The following BTN2A2 variants were observed in gnomAD, a reference collection of about 807,000 sequenced individuals.
BTN2A2 encodes the protein butyrophilin 2.
BTN2A2 carries 29 observed loss-of-function variants against 34.7 expected under a neutral mutation model. The observed-to-expected ratio is 0.84, with a 90% confidence interval of 0.62 to 1.14. BTN2A2 has a LOEUF of 1.14. Ranked by LOEUF, BTN2A2 falls within the 50% of genes most tolerant of loss-of-function variation. The pLI is 0.00. For synonymous variants in BTN2A2, 240 were observed against 253.1 expected (o/e 0.95, Z 0.49); for missense variants, 612 against 651.5 (o/e 0.94, Z 0.66).
intron 3 of BTN2A2, 123 bp downstream of exon 3, chr6:26,385,485 A>T (rs761138493): frequency 6.2e-6 from 6 of 973,648 alleles, no homozygotes; most frequent in Non-Finnish European, 9.0e-6. Flanking sequence ...TTCCACAGAG[A>T]AAGTGGCTTC....
Position 26,390,395 on chromosome 6 carries a change from G to T in BTN2A2, c.931+184G>T, listed in dbSNP as rs532482901. ...GCTTGGAACTCTCATGTCATAAGAA[G>T]TAATCATTCAGAGCTTTCTTTCTTC... On this transcript the variant is annotated intron_variant, in intron 5 of 7. Coordinates refer to ENST00000356709, the MANE Select transcript of BTN2A2 (RefSeq NM_006995.5). 7.1e-6 allele frequency: 5 copies of T among 703,642 alleles called. 1 individual carries two copies. Among genetic ancestry groups the T allele is most frequent in the Non-Finnish European group, 1.2e-5 (5 of 429,412 alleles). 43.6% of individuals were successfully genotyped at this position (703,642 alleles called of 1,614,324 possible).
rs1206832177 is a variant in BTN2A2, at chr6:26,390,840, C to G, written c.979+11C>G. 1.2e-6 allele frequency: 2 copies of G among 1,613,874 alleles called. No homozygotes were observed. Among genetic ancestry groups the G allele is most frequent in the Non-Finnish European group, 1.7e-6 (2 of 1,180,034 alleles). On this transcript the variant is annotated intron_variant, in intron 7 of 7. Coordinates refer to ENST00000356709, the MANE Select transcript of BTN2A2 (RefSeq NM_006995.5). ...CATTCTTACATGCTGGTGAGTGCCTCTGATGTTCTCTCAGATCTCAGCTTT... is the reference window on the plus strand; with the variant it reads ...CATTCTTACATGCTGGTGAGTGCCTGTGATGTTCTCTCAGATCTCAGCTTT...
chr6:26,390,564 G>A, intron 5 of BTN2A2, 123 bp from the exon 6 acceptor site: 1 of 1,200,556 alleles, frequency 8.3e-7, no homozygotes, highest in Non-Finnish European at 1.2e-6. Flanking sequence ...TGTTCCTTAG[G>A]CATAAACGAA....
In BTN2A2 at chr6:26,390,061, GC is replaced by G. The variant is rs778543515; in HGVS notation, c.782del (p.Ala261AspfsTer8). 1 of 1,614,152 alleles carries G rather than the reference GC, an allele frequency of 6.2e-7. No individual in the cohort carries two copies. The highest frequency in any genetic ancestry group is 1.1e-5 in the South Asian group (1 of 91,088). On this transcript the variant is annotated frameshift_variant, in exon 5 of 8. Transcript: ENST00000356709. LOFTEE classifies it high-confidence loss of function. ...GGTGGCCCTAGCTGTCATCCTGACC[GC>G]ATCTCCCTGGATGGTGTCCATGACT... is the stretch of plus-strand genomic sequence containing the variant. ...WMVALAVILT[A>X]SPWMVSMTVI...
In BTN2A2 at chr6:26,393,147, C is replaced by T. The variant is rs563245152; in HGVS notation, c.*180C>T. The T allele has an allele frequency of 5.8e-4, 927 of 1,599,026 alleles. No homozygotes were observed. The highest frequency in any genetic ancestry group is 6.5e-4 in the Admixed American group (38 of 58,788). On this transcript the variant is annotated 3_prime_UTR_variant, in exon 8 of 8. Coordinates refer to ENST00000356709, the MANE Select transcript of BTN2A2 (RefSeq NM_006995.5). ...CCCCAGTTTTCTCCTCCTCACTAGT[C>T]TGTGGCTTTAGTAGTTCCTTTGCTT... is the stretch of plus-strand genomic sequence containing the variant.
chr6:26,391,332 G>A (rs758915095), intron 7 of BTN2A2: 39 of 168,156 alleles, frequency 2.3e-4, no homozygotes, highest in Non-Finnish European at 4.6e-4. Context: ...CTGATATTCT[G>A]CATGTAGTCT....
In BTN2A2 at chr6:26,385,356, G is replaced by A; in HGVS notation, c.436G>A (p.Val146Met). ...SYDEAILRLV[V>M]AGLGSKPLIE... ...CGATGAGGCCATCCTACGCCTCGTG[G>A]TGGCAGGTGCATCACTTCATTTTGC... is the stretch of plus-strand genomic sequence containing the variant. The change falls in exon 3 of 8, where the codon GTG (valine) becomes ATG (methionine). Residue 146 changes from valine (V) to methionine (M), a missense_variant. Coordinates refer to ENST00000356709, the MANE Select transcript of BTN2A2 (RefSeq NM_006995.5). 6.2e-7 allele frequency: 1 copy of A among 1,612,244 alleles called. No individual in the cohort carries two copies. The highest frequency in any genetic ancestry group is 8.5e-7 in the Non-Finnish European group (1 of 1,178,560).
Position 26,393,648 on chromosome 6 carries a change from G to A in BTN2A2, c.*681G>A. 5 of 997,122 alleles carry A rather than the reference G, an allele frequency of 5.0e-6. No individual in the cohort carries two copies. Among genetic ancestry groups the A allele is most frequent in the Non-Finnish European group, 6.0e-6 (5 of 837,200 alleles). 61.8% of individuals were successfully genotyped at this position (997,122 alleles called of 1,614,324 possible). On this transcript the variant is annotated 3_prime_UTR_variant, in exon 8 of 8. Coordinates refer to ENST00000356709, the MANE Select transcript of BTN2A2 (RefSeq NM_006995.5). The stretch of plus-strand genomic sequence containing the variant: ...TCAGATGTCCCTGCAATAAACAAGG[G>A]GTCAGTACTTAGTCCCTGAGTGTGG...
At chr6:26,389,679 G>A (rs889416750) in intron 4 of BTN2A2, among the ~76,000 whole-genome samples, 1 of 152,184 alleles carries the variant, frequency 6.6e-6, no homozygotes, top group Non-Finnish European at 1.5e-5. Context: ...CAAGAAGGAG[G>A]GCACTCTAGT....
chr6:26,386,028 C>A (rs578121289), intron 3 of BTN2A2, among the ~76,000 whole-genome samples: 2 of 152,214 alleles, frequency 1.3e-5, no homozygotes, highest in African/African-American at 4.8e-5. Flanking sequence ...ATAAGAACTG[C>A]CCAGAGAACT....
At chr6:26,389,582 G>A (rs1761438454) in intron 4 of BTN2A2, among the ~76,000 whole-genome samples, 1 of 152,202 alleles carries the variant, frequency 6.6e-6, no homozygotes, top group African/African-American at 2.4e-5. Context: ...GTGAGTGAGT[G>A]GGAAGCATTG....
In BTN2A2 at chr6:26,393,202, G is replaced by T; in HGVS notation, c.*235G>T. On this transcript the variant is annotated 3_prime_UTR_variant, in exon 8 of 8. Coordinates refer to ENST00000356709, the MANE Select transcript of BTN2A2 (RefSeq NM_006995.5). ...TTATGGGATGGGATCCAGGCATAGG[G>T]AACTAGTTGTTTCATAGCTCCCAGT... 1.3e-6 allele frequency: 2 copies of T among 1,525,104 alleles called. No individual in the cohort carries two copies. The highest frequency in any genetic ancestry group is 1.8e-6 in the Non-Finnish European group (2 of 1,140,246). The allele number at this position is 1,525,104 out of a possible 1,614,324, so 94.5% of individuals were successfully genotyped here. A position where few individuals can be genotyped will look rare whatever the true frequency, so the allele number is the denominator to read the frequency against.
Position 26,393,722 on chromosome 6 carries a change from C to T in BTN2A2, c.*755C>T, listed in dbSNP as rs1439064281. 9.1e-6 allele frequency: 9 copies of T among 987,630 alleles called. No homozygotes were observed. The highest frequency in any genetic ancestry group is 2.3e-4 in the East Asian group (2 of 8,866). 61.2% of individuals were successfully genotyped at this position (987,630 alleles called of 1,614,324 possible). The stretch of plus-strand genomic sequence containing the variant: ...GCAGGGCAGTACTGGACCAGGTCTA[C>T]GTCAGCATTCAGGTTCAATGGGGAC... On this transcript the variant is annotated 3_prime_UTR_variant, in exon 8 of 8. Transcript: ENST00000356709.
rs1179217176 is a variant in BTN2A2 at position 26,388,135 on chromosome 6, G to T, written c.565G>T (p.Val189Phe). ...AGTGTGGAGGGACCCCTACGGTGAGGTTGTGCCCGCCCTGAAGGAGGTTTC... is the reference window on the plus strand; with the variant it reads ...AGTGTGGAGGGACCCCTACGGTGAGTTTGTGCCCGCCCTGAAGGAGGTTTC... Reference protein sequence around the residue: ...LTVWRDPYGEVVPALKEVSIA... With the variant: ...LTVWRDPYGEFVPALKEVSIA... Residue 189 changes from valine (V) to phenylalanine (F), a missense_variant, in exon 4 of 8, where the codon GTT becomes TTT. Coordinates refer to ENST00000356709, the MANE Select transcript of BTN2A2 (RefSeq NM_006995.5). 1 of 1,614,204 alleles carries T rather than the reference G, an allele frequency of 6.2e-7. No individual in the cohort carries two copies.
intron 3 of BTN2A2, among the ~76,000 whole-genome samples, chr6:26,386,916 A>T (rs1290482499): frequency 6.6e-6 from 1 of 152,260 alleles, no homozygotes; most frequent in African/African-American, 2.4e-5. Context: ...ACAAAAATTA[A>T]ACAGAGCAGA....
Position 26,393,387 on chromosome 6 carries a change from C to A in BTN2A2, c.*420C>A. On this transcript the variant is annotated 3_prime_UTR_variant, in exon 8 of 8. Coordinates refer to ENST00000356709, the MANE Select transcript of BTN2A2 (RefSeq NM_006995.5). Reference sequence around the variant, plus strand: ...AGAGAGGAGAGAGGAATCCACAGGACCACCAGAAGGGAGAGGGAACCAGAT... The same window carrying A: ...AGAGAGGAGAGAGGAATCCACAGGAACACCAGAAGGGAGAGGGAACCAGAT... 8.8e-7 allele frequency: 1 copy of A among 1,139,422 alleles called. No homozygotes were observed. The highest frequency in any genetic ancestry group is 2.1e-5 in the South Asian group (1 of 47,370). 70.6% of individuals were successfully genotyped at this position (1,139,422 alleles called of 1,614,324 possible). A position where few individuals can be genotyped will look rare whatever the true frequency, so the allele number is the denominator to read the frequency against.
intron 7 of BTN2A2, 100 bp from the exon 8 acceptor site, chr6:26,392,275 G>A: frequency 6.3e-7 from 1 of 1,588,920 alleles, no homozygotes. Flanking sequence ...ACTACATGGG[G>A]AACCCCCTTC....
chr6:26,388,194 C>T lies in BTN2A2; in HGVS notation c.624C>T (p.Thr208=), dbSNP rs1206746209. The change falls in exon 4 of 8, where the codon ACC becomes ACT. Residue 208 remains threonine (T), a synonymous_variant. Transcript: ENST00000356709. ...ATGCTGACGGCCTCTTCATGGTCAC[C>T]ACAGCTGTGATCATCAGAGACAAGT... ...IADADGLFMV[T]TAVIIRDKYV... is the part of the protein sequence containing the mutation. 6.2e-7 allele frequency: 1 copy of T among 1,614,172 alleles called. No homozygotes were observed. The highest frequency in any genetic ancestry group is 1.7e-5 in the Admixed American group (1 of 60,022).
intron 3 of BTN2A2, among the ~76,000 whole-genome samples, chr6:26,387,568 A>C (rs2113749563): frequency 9.5e-6 from 1 of 105,390 alleles, no homozygotes; most frequent in Non-Finnish European, 1.8e-5. Context: ...CCATCTCTAC[A>C]AAAAAAAAAA....
Sources: allele counts gnomAD v4.1 joint callset (sites outside exome capture counted in the v4.1 genomes callset), GRCh38; gene constraint gnomAD v4.1.1; transcripts MANE v1.5; gene names NCBI Gene and HGNC (gene_info 2026-07-23, HGNC 2026-07-21).